Variants in SLC71A1 observed in about 807,000 individuals in gnomAD.
SLC71A1 encodes the protein solute carrier family 71 member 1.
the SLC71A1 span, among the ~76,000 whole-genome samples, chr1:100,055,953 G>A: frequency 4.6e-5 from 7 of 151,884 alleles, no homozygotes; most frequent in African/African-American, 1.5e-4. Context: ...GGGTTTCACC[G>A]TATTGGCCAG....
chr1:100,038,372 T>G, the SLC71A1 span: 1 of 1,392,240 alleles, frequency 7.2e-7, no homozygotes. Context: ...CGGTCTCTCC[T>G]TCAGACCCCC....
At chr1:100,041,340 AATT>A in the SLC71A1 span, among the ~76,000 whole-genome samples, 1 of 152,192 alleles carries the variant, frequency 6.6e-6, no homozygotes, top group Non-Finnish European at 1.5e-5. Flanking sequence ...AATTAAGATA[AATT>A]ACATTAAGGT....
the SLC71A1 span, among the ~76,000 whole-genome samples, chr1:100,052,607 C>G: frequency 6.8e-6 from 1 of 147,798 alleles, no homozygotes; most frequent in Non-Finnish European, 1.5e-5. Context: ...AATTTTTGTA[C>G]TTTTAGTAGA....
At chr1:100,044,082 C>T in the SLC71A1 span, among the ~76,000 whole-genome samples, 1 of 152,148 alleles carries the variant, frequency 6.6e-6, no homozygotes, top group Non-Finnish European at 1.5e-5. Flanking sequence ...AGTGGGATTG[C>T]TGGATCAAAC....
chr1:100,059,662 A>G, the SLC71A1 span, among the ~76,000 whole-genome samples: 1 of 152,036 alleles, frequency 6.6e-6, no homozygotes, highest in Non-Finnish European at 1.5e-5. Flanking sequence ...AGAGCAGTTC[A>G]TATTTAATAC....
chr1:100,039,014 G>C, the SLC71A1 span, among the ~76,000 whole-genome samples: 10,147 of 152,320 alleles, frequency 0.067, 452 homozygotes, highest in African/African-American at 0.13. Flanking sequence ...ATCAGTCATG[G>C]CCTAAGGATC....
chr1:100,076,820 C>A, the SLC71A1 span, among the ~76,000 whole-genome samples: 1 of 152,108 alleles, frequency 6.6e-6, no homozygotes, highest in African/African-American at 2.4e-5. Context: ...TAACTTGGAC[C>A]TAAACAAGCT....
the SLC71A1 span, among the ~76,000 whole-genome samples, chr1:100,063,353 A>G: frequency 6.6e-6 from 1 of 152,200 alleles, no homozygotes; most frequent in African/African-American, 2.4e-5. Flanking sequence ...AAAGGTGGGG[A>G]AGTGGCCAGG....
At chr1:100,057,281 A>C in the SLC71A1 span, among the ~76,000 whole-genome samples, 1 of 152,058 alleles carries the variant, frequency 6.6e-6, no homozygotes, top group Non-Finnish European at 1.5e-5. Context: ...TTTTATAAAT[A>C]AAATTTTATT....
At chr1:100,043,105 G>C in the SLC71A1 span, 1 of 984,930 alleles carries the variant, frequency 1.0e-6, no homozygotes, top group Non-Finnish European at 1.2e-6. Context: ...TCCTCATGTA[G>C]TTAGAAGACT....
At chr1:100,050,399 G>A in the SLC71A1 span, among the ~76,000 whole-genome samples, 8 of 152,256 alleles carry the variant, frequency 5.3e-5, no homozygotes, top group Non-Finnish European at 8.8e-5. Flanking sequence ...TTTGGGCTAA[G>A]TACCTAGAAG....
the SLC71A1 span, among the ~76,000 whole-genome samples, chr1:100,066,920 C>T: frequency 6.9e-5 from 9 of 129,826 alleles, no homozygotes; most frequent in Admixed American, 1.9e-4. Flanking sequence ...ACCCCGGGGG[C>T]GGAGCCTGCA....
chr1:100,078,193 T>C, the SLC71A1 span, among the ~76,000 whole-genome samples: 12 of 152,342 alleles, frequency 7.9e-5, no homozygotes, highest in East Asian at 2.3e-3. Flanking sequence ...GTAGAAATAA[T>C]ACCCAGCACA....
chr1:100,069,565 G>C, the SLC71A1 span: 2 of 1,142,506 alleles, frequency 1.8e-6, no homozygotes, highest in Non-Finnish European at 2.6e-6. Flanking sequence ...TTTTCTATCT[G>C]GTATACATTT....
chr1:100,044,267 T>C, the SLC71A1 span, among the ~76,000 whole-genome samples: 1 of 152,194 alleles, frequency 6.6e-6, no homozygotes, highest in Admixed American at 6.5e-5. Context: ...TGATATCTCA[T>C]TGTGGTTTTA....
the SLC71A1 span, among the ~76,000 whole-genome samples, chr1:100,070,198 G>T: frequency 6.6e-6 from 1 of 152,158 alleles, no homozygotes; most frequent in African/African-American, 2.4e-5. Flanking sequence ...GGCACAGGGG[G>T]CATGGTTGAG....
the SLC71A1 span, among the ~76,000 whole-genome samples, chr1:100,062,425 G>A: frequency 1.3e-5 from 2 of 152,088 alleles, no homozygotes; most frequent in Non-Finnish European, 2.9e-5. Flanking sequence ...AAAAATGTAA[G>A]AAACAGCCAG....
chr1:100,059,144 GTTTTTTT>G, the SLC71A1 span, among the ~76,000 whole-genome samples: 4,131 of 75,152 alleles, frequency 0.055, 56 homozygotes, highest in African/African-American at 0.079. Flanking sequence ...TCTTTTTCGT[GTTTTTTT>G]TTTTTTTTTT....
chr1:100,046,720 T>C, the SLC71A1 span, among the ~76,000 whole-genome samples: 5 of 152,240 alleles, frequency 3.3e-5, no homozygotes, highest in African/African-American at 4.8e-5. Context: ...TTTATGAACA[T>C]GAAATATCTT....
Sources: allele counts gnomAD v4.1 joint callset (sites outside exome capture counted in the v4.1 genomes callset), GRCh38; gene constraint gnomAD v4.1.1; transcripts MANE v1.5; gene names NCBI Gene and HGNC (gene_info 2026-07-23, HGNC 2026-07-21).